The following HMGB1 variants were observed in gnomAD, a reference collection of about 807,000 sequenced individuals.
HMGB1 encodes high mobility group protein B1.
For synonymous variants in HMGB1, 81 were observed against 84.0 expected, an observed-to-expected ratio of 0.96 and a Z score of 0.19; for missense variants, 79 against 253.5, an observed-to-expected ratio of 0.31 and a Z score of 4.67.
chr13:30,482,034 T>G (rs567145826), intron 1 of HMGB1, among the ~76,000 whole-genome samples: 2 of 152,250 alleles, frequency 1.3e-5, no homozygotes, highest in African/African-American at 4.8e-5. Context: ...TTCACCATAT[T>G]GGCCAGGCTG....
chr13:30,541,416 C>CTAAGATT (rs1193794657), intron 1 of HMGB1, among the ~76,000 whole-genome samples: 3 of 152,204 alleles, frequency 2.0e-5, no homozygotes, highest in African/African-American at 7.2e-5. Context: ...AGTGGGAAGC[C>CTAAGATT]TCTAATCCTA....
At chr13:30,497,475 C>T (rs1481910233) in intron 1 of HMGB1, among the ~76,000 whole-genome samples, 6 of 146,290 alleles carry the variant, frequency 4.1e-5, no homozygotes, top group East Asian at 2.0e-4. Flanking sequence ...ATTTTAGGTT[C>T]GGGGATACAC....
At chr13:30,463,414 A>G in intron 2 of HMGB1, 62 bp from the exon 3 acceptor site, 1 of 1,544,708 alleles carries the variant, frequency 6.5e-7, no homozygotes, top group Non-Finnish European at 8.8e-7. Flanking sequence ...CTCAAAACCA[A>G]TGTCTTTTGC....
At chr13:30,521,209 C>T (rs1375826897) in intron 1 of HMGB1, among the ~76,000 whole-genome samples, 4 of 152,072 alleles carry the variant, frequency 2.6e-5, no homozygotes, top group Non-Finnish European at 5.9e-5. Context: ...CTTATTTTTT[C>T]CCAGAACGGT....
chr13:30,509,762 G>T (rs1887949620), intron 1 of HMGB1, among the ~76,000 whole-genome samples: 1 of 152,154 alleles, frequency 6.6e-6, no homozygotes, highest in African/African-American at 2.4e-5. Context: ...ATAATGCACT[G>T]CTGTATTCAA....
At chr13:30,511,368 T>C (rs1254417260) in intron 1 of HMGB1, among the ~76,000 whole-genome samples, 1 of 151,990 alleles carries the variant, frequency 6.6e-6, no homozygotes, top group African/African-American at 2.4e-5. Context: ...AGGTAATGAG[T>C]GAGAGCTGGT....
intron 1 of HMGB1, among the ~76,000 whole-genome samples, chr13:30,589,520 T>C (rs1368931763): frequency 1.3e-5 from 2 of 152,082 alleles, no homozygotes; most frequent in Non-Finnish European, 2.9e-5. Context: ...AGAGAAGACA[T>C]ATATGGAAAC....
At position 30,460,886 on chromosome 13, in the gene HMGB1, C is replaced by A; in HGVS notation, c.*471G>T. On this transcript the variant is annotated 3_prime_UTR_variant, in exon 5 of 5. Coordinates refer to ENST00000341423, the MANE Select transcript of HMGB1 (RefSeq NM_002128.7). The stretch of plus-strand genomic sequence containing the variant: ...AAAAATTTCAGACCTATGAAAAGGA[C>A]AACAATACTAATAAAAAAAATTGTA... 1.6e-6 allele frequency: 1 copy of A among 626,446 alleles called. No homozygotes were observed. The highest frequency in any genetic ancestry group is 2.0e-6 in the Non-Finnish European group (1 of 504,950). The allele number at this position is 626,446 out of a possible 1,614,324, so 38.8% of individuals were successfully genotyped here.
rs74046055 is a variant in HMGB1 at position 30,511,098 on chromosome 13, C to T, written c.-14-47404G>A. On this transcript the variant is annotated intron_variant, in intron 1 of 4. Transcript: ENST00000405805. ...CATATACAGTGCTTATAAACACACA[C>T]CTAAAACCAAGTATAATGGTAATTA... Among the ~76,000 whole-genome samples the T allele has an allele frequency of 2.8e-3, 425 of 152,224 alleles. 1 individual carries two copies. Among genetic ancestry groups the T allele is most frequent in the African/African-American group, 9.5e-3 (395 of 41,548 alleles).
intron 1 of HMGB1, among the ~76,000 whole-genome samples, chr13:30,572,055 T>G (rs1870459486): frequency 6.6e-6 from 1 of 152,208 alleles, no homozygotes. Flanking sequence ...GGCCTAATTT[T>G]GCAAGTTCAT....
In HMGB1 at chr13:30,516,861, G is replaced by A. The variant is rs529539962; in HGVS notation, c.-14-53167C>T. ...GAGACTGGGAGATCGAGGCTGCAATGAGCTGTGATCACACCATTGCCCTCC... is the reference window on the plus strand; with the variant it reads ...GAGACTGGGAGATCGAGGCTGCAATAAGCTGTGATCACACCATTGCCCTCC... On this transcript the variant is annotated intron_variant, in intron 1 of 4. Transcript: ENST00000405805. Among the ~76,000 whole-genome samples the A allele has an allele frequency of 6.5e-4, 99 of 152,286 alleles. No individual in the cohort carries two copies. The Middle Eastern group carries it at 0.014, about 21-fold the overall frequency.
chr13:30,552,273 G>A (rs980119634), intron 1 of HMGB1, among the ~76,000 whole-genome samples: 1 of 152,168 alleles, frequency 6.6e-6, no homozygotes, highest in African/African-American at 2.4e-5. Context: ...TCATTTGAGA[G>A]TAAGTTGCAG....
At chr13:30,580,883 C>T (rs911631953) in intron 1 of HMGB1, among the ~76,000 whole-genome samples, 1 of 152,160 alleles carries the variant, frequency 6.6e-6, no homozygotes, top group Non-Finnish European at 1.5e-5. Context: ...CCTCATTGGT[C>T]GTTAGAATTG....
intron 1 of HMGB1, among the ~76,000 whole-genome samples, chr13:30,537,691 ATATAT>A: frequency 8.2e-6 from 1 of 122,422 alleles, no homozygotes; most frequent in Non-Finnish European, 1.7e-5. Context: ...ATATATATAT[ATATAT>A]AAAATTGATG....
intron 1 of HMGB1, chr13:30,554,355 T>C: frequency 1.2e-6 from 1 of 854,360 alleles, no homozygotes; most frequent in East Asian, 2.4e-5. Flanking sequence ...TTCTCTCTGG[T>C]AGACGCTTGT....
At chr13:30,496,583 G>A (rs1241535278) in intron 1 of HMGB1, among the ~76,000 whole-genome samples, 2 of 152,186 alleles carry the variant, frequency 1.3e-5, no homozygotes, top group African/African-American at 4.8e-5. Context: ...AGAAAGCAGC[G>A]TCCTAGCTTG....
chr13:30,485,034 C>CTTTTTCT (rs1887331873), intron 1 of HMGB1, among the ~76,000 whole-genome samples: 2 of 134,568 alleles, frequency 1.5e-5, no homozygotes, highest in East Asian at 4.3e-4. Flanking sequence ...TTTTCTTTTT[C>CTTTTTCT]TTTTTTTTTT....
At chr13:30,609,334 A>G (rs981610710) in intron 1 of HMGB1, among the ~76,000 whole-genome samples, 3 of 152,168 alleles carry the variant, frequency 2.0e-5, no homozygotes, top group African/African-American at 7.2e-5. Flanking sequence ...TCTGAGGGAG[A>G]AAAAAATATA....
At chr13:30,516,838 G>T (rs368170674) in intron 1 of HMGB1, among the ~76,000 whole-genome samples, 1 of 152,128 alleles carries the variant, frequency 6.6e-6, no homozygotes, top group African/African-American at 2.4e-5. Context: ...GATCACTTGA[G>T]ACTGGGAGAT....
Sources: allele counts gnomAD v4.1 joint callset (sites outside exome capture counted in the v4.1 genomes callset), GRCh38; gene constraint gnomAD v4.1.1; transcripts MANE v1.5; gene names NCBI Gene and HGNC (gene_info 2026-07-23, HGNC 2026-07-21).